RCAN2: variants seen among roughly 807,000 people sequenced by gnomAD.
RCAN2 encodes regulator of calcineurin 2.
A neutral mutation model predicts 23.6 loss-of-function variants in RCAN2; 9 were observed. That is an observed-to-expected ratio of 0.38 (90% confidence interval 0.23 to 0.67). The LOEUF is 0.67. Among genes scored for constraint, RCAN2 ranks in the 30% least tolerant of loss-of-function variants. RCAN2 has a pLI of 0.51. For synonymous variants in RCAN2, 109 were observed against 115.7 expected, an observed-to-expected ratio of 0.94 and a Z score of 0.37; for missense variants, 273 against 302.3, an observed-to-expected ratio of 0.90 and a Z score of 0.72.
At chr6:46,351,758 G>T (rs1764653762) in intron 2 of RCAN2, among the ~76,000 whole-genome samples, 1 of 152,218 alleles carries the variant, frequency 6.6e-6, no homozygotes, top group African/African-American at 2.4e-5. Flanking sequence ...GGAAGCTGAT[G>T]GCACAGACTG....
chr6:46,399,724 C>T (rs1766196124), intron 2 of RCAN2, among the ~76,000 whole-genome samples: 2 of 151,836 alleles, frequency 1.3e-5, no homozygotes, highest in Admixed American at 1.3e-4. Flanking sequence ...TTTTTCACAC[C>T]ACCTTCTCTT....
At chr6:46,447,228 A>G (rs1339485596) in intron 2 of RCAN2, among the ~76,000 whole-genome samples, 1 of 152,196 alleles carries the variant, frequency 6.6e-6, no homozygotes, top group African/African-American at 2.4e-5. Flanking sequence ...AAAGTAGAAC[A>G]AGACAAAGAA....
intron 2 of RCAN2, among the ~76,000 whole-genome samples, chr6:46,385,784 G>T (rs1232228534): frequency 6.6e-6 from 1 of 150,474 alleles, no homozygotes; most frequent in Admixed American, 6.6e-5. Flanking sequence ...TTGAACCTGG[G>T]AGGCAGAAGT....
intron 4 of RCAN2, among the ~76,000 whole-genome samples, chr6:46,233,709 T>C (rs1373021837): frequency 6.6e-6 from 1 of 150,794 alleles, no homozygotes; most frequent in Non-Finnish European, 1.5e-5. Flanking sequence ...CTGGCTGAGA[T>C]GAAGAACACT....
At chr6:46,404,297 T>C (rs547890518) in intron 2 of RCAN2, among the ~76,000 whole-genome samples, 1 of 152,290 alleles carries the variant, frequency 6.6e-6, no homozygotes, top group South Asian at 2.1e-4. Flanking sequence ...CTTGATAAAT[T>C]AATCTTTACA....
chr6:46,403,077 G>A (rs1766302762), intron 2 of RCAN2, among the ~76,000 whole-genome samples: 1 of 151,482 alleles, frequency 6.6e-6, no homozygotes, highest in Non-Finnish European at 1.5e-5. Flanking sequence ...CCATTCTCCT[G>A]CCTCAGCCTC....
intron 2 of RCAN2, among the ~76,000 whole-genome samples, chr6:46,285,085 C>T (rs927283114): frequency 1.3e-5 from 2 of 152,148 alleles, no homozygotes; most frequent in Admixed American, 6.5e-5. Context: ...TATTAGTTCA[C>T]TAATAATTTC....
chr6:46,303,191 T>G (rs1165518929), intron 2 of RCAN2, among the ~76,000 whole-genome samples: 2 of 151,904 alleles, frequency 1.3e-5, no homozygotes, highest in Non-Finnish European at 2.9e-5. Flanking sequence ...CCTCTTTAGC[T>G]CTGGGTCCTG....
At chr6:46,325,539 G>C in intron 2 of RCAN2, 1 of 1,605,400 alleles carries the variant, frequency 6.2e-7, no homozygotes, top group Non-Finnish European at 8.5e-7. Context: ...GTGAAGGGAA[G>C]AGCTTCCAGA....
At chr6:46,227,986 A>G (rs78386302) in intron 4 of RCAN2, among the ~76,000 whole-genome samples, 1 of 152,088 alleles carries the variant, frequency 6.6e-6, no homozygotes, top group Non-Finnish European at 1.5e-5. Context: ...CTTTGTTCTC[A>G]TTGGTTTCAA....
At chr6:46,314,995 A>C (rs1763389130) in intron 2 of RCAN2, among the ~76,000 whole-genome samples, 1 of 152,178 alleles carries the variant, frequency 6.6e-6, no homozygotes, top group Non-Finnish European at 1.5e-5. Flanking sequence ...CAGGAAGTGG[A>C]GGCTGCAGTG....
intron 1 of RCAN2, among the ~76,000 whole-genome samples, chr6:46,488,087 T>G (rs1769043718): frequency 6.6e-6 from 1 of 152,244 alleles, no homozygotes; most frequent in African/African-American, 2.4e-5. Flanking sequence ...CTCAGTCCAG[T>G]TCTCTTTTGT....
At chr6:46,329,920 G>A (rs1484089366) in intron 2 of RCAN2, among the ~76,000 whole-genome samples, 1 of 152,190 alleles carries the variant, frequency 6.6e-6, no homozygotes, top group Admixed American at 6.5e-5. Context: ...AGGAGGAGAT[G>A]CACACCTTCC....
chr6:46,382,658 C>T (rs1386100893), intron 2 of RCAN2, among the ~76,000 whole-genome samples: 8 of 152,176 alleles, frequency 5.3e-5, no homozygotes, highest in Admixed American at 4.6e-4. Flanking sequence ...AATTTAAATA[C>T]TGCTATAGCC....
intron 2 of RCAN2, among the ~76,000 whole-genome samples, chr6:46,419,197 G>C (rs1292457502): frequency 6.6e-6 from 1 of 152,126 alleles, no homozygotes; most frequent in East Asian, 1.9e-4. Context: ...CACAGCGGGA[G>C]CATTTACACC....
intron 2 of RCAN2, among the ~76,000 whole-genome samples, chr6:46,301,109 A>G (rs1264707200): frequency 6.6e-6 from 1 of 152,090 alleles, no homozygotes. Context: ...GAAAATTCCA[A>G]CACTAGTGCT....
intron 2 of RCAN2, among the ~76,000 whole-genome samples, chr6:46,286,327 C>T (rs950012536): frequency 4.6e-5 from 7 of 152,062 alleles, no homozygotes; most frequent in South Asian, 2.1e-4. Context: ...GACTACATGG[C>T]GGTGGCAATT....
At chr6:46,326,471 T>G (rs1763801282) in intron 2 of RCAN2, among the ~76,000 whole-genome samples, 2 of 152,174 alleles carry the variant, frequency 1.3e-5, no homozygotes, top group Admixed American at 1.3e-4. Flanking sequence ...TGATTATAAA[T>G]CCCTGAGGGG....
At position 46,409,893 on chromosome 6, in the gene RCAN2, GAGA is replaced by G. The variant is rs372986726; in HGVS notation, c.225+46856_225+46858del. 1.4e-4 allele frequency among the ~76,000 whole-genome samples: 22 copies of G among 152,320 alleles called. No individual in the cohort carries two copies. In the South Asian group the frequency reaches 4.4e-3, roughly 30 times the overall value. ...TATGCCTGTGAGGGTGTTTCCAGAA[GAGA>G]CTGGCATTTGAAATCAGTGGGCTTA... On this transcript the variant is annotated intron_variant, in intron 2 of 4. Coordinates refer to ENST00000371374, the MANE Select transcript of RCAN2 (RefSeq NM_001251974.2).
Sources: allele counts gnomAD v4.1 joint callset (sites outside exome capture counted in the v4.1 genomes callset), GRCh38; gene constraint gnomAD v4.1.1; transcripts MANE v1.5; gene names NCBI Gene and HGNC (gene_info 2026-07-23, HGNC 2026-07-21).